The following PPEF1 variants were observed in gnomAD, a reference collection of about 807,000 sequenced individuals.
PPEF1 encodes the protein serine/threonine-protein phosphatase with EF-hands 1.
Under a neutral mutation model 53.3 loss-of-function variants are expected in PPEF1, and 12 were observed. The ratio of observed to expected loss-of-function variants is 0.23; its 90% CI spans 0.14 to 0.36. The LOEUF is 0.36. Ranked by LOEUF, PPEF1 falls within the 10% of genes least tolerant of loss-of-function variation. The pLI, the probability that PPEF1 is intolerant of heterozygous loss-of-function variation, is 1.00. For synonymous variants in PPEF1, 165 were observed against 176.7 expected (o/e 0.93, Z 0.52); for missense variants, 334 against 490.4 (o/e 0.68, Z 3.01).
At chrX:18,677,986 G>A (rs140531039), upstream of PPEF1, among the ~76,000 whole-genome samples, 484 of 110,069 alleles carry the variant, frequency 4.4e-3, 2 homozygotes, top group Non-Finnish European at 7.9e-3. Flanking sequence ...GGGAGAGGCC[G>A]GGGCGCTGCC....
intron 3 of PPEF1, among the ~76,000 whole-genome samples, chrX:18,689,463 G>T (rs934167102): frequency 9.5e-6 from 1 of 104,719 alleles, no homozygotes; most frequent in Non-Finnish European, 2.0e-5. Flanking sequence ...GCCTGGGCGC[G>T]ATCATAGCTC....
intron 4 of PPEF1, chrX:18,691,407 A>G (rs1929374332): frequency 9.0e-6 from 1 of 111,496 alleles, no homozygotes; most frequent in Non-Finnish European, 1.9e-5. Flanking sequence ...AGTCCGAAGG[A>G]TCAGAGTATC....
At chrX:18,803,715 C>T (rs370829056) in intron 10 of PPEF1, among the ~76,000 whole-genome samples, 177 bp from the exon 11 acceptor site, 1 of 112,138 alleles carries the variant, frequency 8.9e-6, no homozygotes, top group Non-Finnish European at 1.9e-5. Flanking sequence ...CCTCAGCCAC[C>T]CAAAGTGCTG....
chrX:18,822,160 A>G (rs1328814985), intron 13 of PPEF1, among the ~76,000 whole-genome samples: 6 of 111,825 alleles, frequency 5.4e-5, no homozygotes, highest in Non-Finnish European at 1.9e-5. Context: ...GTGCCACTAC[A>G]TTTTCCACAC....
chrX:18,765,777 A>G (rs914475536), intron 6 of PPEF1, among the ~76,000 whole-genome samples: 13 of 111,348 alleles, frequency 1.2e-4, no homozygotes, highest in Non-Finnish European at 2.3e-4. Context: ...TAGAAAAAGG[A>G]AAAAGGCCGG....
At chrX:18,716,915 TC>T (rs771391456) in intron 1 of PPEF1, among the ~76,000 whole-genome samples, 24 of 110,498 alleles carry the variant, frequency 2.2e-4, no homozygotes, top group Admixed American at 6.8e-4. Flanking sequence ...AAGTCCATTG[TC>T]CCTCTAAGAC....
At chrX:18,780,910 G>T (rs1324471000) in intron 7 of PPEF1, among the ~76,000 whole-genome samples, 1 of 110,226 alleles carries the variant, frequency 9.1e-6, no homozygotes, top group African/African-American at 3.3e-5. Flanking sequence ...AAAAAAATTA[G>T]CCGGGCATAG....
rs145600523 is a variant in PPEF1 at position 18,723,230 on chromosome X, C to G, written c.47-6951C>G. On this transcript the variant is annotated intron_variant, in intron 1 of 15. Coordinates refer to ENST00000470157, the MANE Select transcript of PPEF1 (RefSeq NM_001377996.1). Reference sequence around the variant, plus strand: ...AAACTCCTGATCTCAGGTAATCCACCTGCTTCGGCCTCCCAAAGTGCTGGG... The same window carrying G: ...AAACTCCTGATCTCAGGTAATCCACGTGCTTCGGCCTCCCAAAGTGCTGGG... 8.5e-3 allele frequency among the ~76,000 whole-genome samples: 946 copies of G among 111,334 alleles called. 10 individuals carry two copies. Among genetic ancestry groups the G allele is most frequent in the African/African-American group, 0.029 (896 of 30,591 alleles).
At chrX:18,709,681 A>G (rs1385021024) in intron 1 of PPEF1, among the ~76,000 whole-genome samples, 3 of 110,005 alleles carry the variant, frequency 2.7e-5, no homozygotes, top group African/African-American at 6.6e-5. Context: ...TATTTTTGGT[A>G]GAGACAGGGT....
At chrX:18,678,783 T>A (rs933671796), upstream of PPEF1, among the ~76,000 whole-genome samples, 4 of 110,998 alleles carry the variant, frequency 3.6e-5, no homozygotes, top group African/African-American at 1.3e-4. Flanking sequence ...TCCTTTTTGG[T>A]CACTTTTGCT....
At chrX:18,718,476 G>A (rs1309379243) in intron 1 of PPEF1, among the ~76,000 whole-genome samples, 2 of 111,164 alleles carry the variant, frequency 1.8e-5, no homozygotes, top group Non-Finnish European at 3.8e-5. Flanking sequence ...GGAGGCTGAG[G>A]CAGAGGATCA....
rs934664871 is a variant in PPEF1, at chrX:18,735,685, G to T, written c.235+1877G>T. Among the ~76,000 whole-genome samples the T allele has an allele frequency of 2.7e-5, 3 of 111,913 alleles. No individual in the cohort carries two copies. The South Asian group carries it at 1.1e-3, about 41-fold the overall frequency. ...TGAAGAAAGTCATTGGTAGCTTGAT[G>T]GGGATGGCATTGAATCTATAAATTA... On this transcript the variant is annotated intron_variant, in intron 3 of 15. Coordinates refer to ENST00000470157, the MANE Select transcript of PPEF1 (RefSeq NM_001377996.1).
At chrX:18,745,072 T>C (rs1408781169) in intron 3 of PPEF1, among the ~76,000 whole-genome samples, 2 of 96,905 alleles carry the variant, frequency 2.1e-5, no homozygotes, top group African/African-American at 7.5e-5. Flanking sequence ...TTCCATATAA[T>C]TATATATTTA....
chrX:18,746,916 T>C (rs1341648370), intron 3 of PPEF1, among the ~76,000 whole-genome samples: 1 of 111,395 alleles, frequency 9.0e-6, no homozygotes, highest in African/African-American at 3.3e-5. Context: ...ATTTATCTCA[T>C]AGGGTGGTTT....
intron 10 of PPEF1, among the ~76,000 whole-genome samples, chrX:18,791,619 T>C (rs1278728813): frequency 2.7e-5 from 3 of 112,119 alleles, no homozygotes; most frequent in Non-Finnish European, 5.6e-5. Context: ...CAAGATTATG[T>C]TATCTGTGAA....
At chrX:18,701,087 C>T (rs969580168) in intron 6 of PPEF1, among the ~76,000 whole-genome samples, 3 of 111,879 alleles carry the variant, frequency 2.7e-5, no homozygotes, top group East Asian at 2.8e-4. Flanking sequence ...ATGGTGATGA[C>T]GATACTACCT....
Position 18,791,218 on chromosome X carries a change from C to G in PPEF1, c.1065+1945C>G, listed in dbSNP as rs745398321. Among the ~76,000 whole-genome samples, 7 of 111,320 alleles carry G rather than the reference C, an allele frequency of 6.3e-5. No individual in the cohort carries two copies. In the East Asian group the frequency reaches 2.0e-3, roughly 31 times the overall value. ...CTTTTTCCAGATCGTTTTGGCTATT[C>G]TGGGCCCCTTGAATTTCCATATGAA... On this transcript the variant is annotated intron_variant, in intron 10 of 15. Coordinates refer to ENST00000470157, the MANE Select transcript of PPEF1 (RefSeq NM_001377996.1).
intron 10 of PPEF1, among the ~76,000 whole-genome samples, chrX:18,794,705 T>C (rs2046395425): frequency 1.8e-5 from 2 of 112,544 alleles, no homozygotes; most frequent in South Asian, 7.3e-4. Flanking sequence ...CTGCTGTGCT[T>C]GCCTGGAATC....
chrX:18,774,381 GC>G (rs2045926201), intron 6 of PPEF1, among the ~76,000 whole-genome samples: 1 of 112,306 alleles, frequency 8.9e-6, no homozygotes, highest in Non-Finnish European at 1.9e-5. Flanking sequence ...GGGCCACGGC[GC>G]CCGGCCAGGG....
Sources: allele counts gnomAD v4.1 joint callset (sites outside exome capture counted in the v4.1 genomes callset), GRCh38; gene constraint gnomAD v4.1.1; transcripts MANE v1.5; gene names NCBI Gene and HGNC (gene_info 2026-07-23, HGNC 2026-07-21).